Variants in MYLK observed in about 807,000 individuals in gnomAD.
MYLK encodes myosin light chain kinase.
MYLK carries 106 observed loss-of-function variants against 203.4 expected under a neutral mutation model. That is an observed-to-expected ratio of 0.52 (90% CI 0.45 to 0.61). The LOEUF (loss-of-function observed/expected upper bound fraction) is 0.61. MYLK is among the 20% of genes least tolerant of loss of function. MYLK has a pLI of 0.00. For synonymous variants in MYLK, 867 were observed against 959.5 expected (o/e 0.90, Z 1.78); for missense variants, 2,072 against 2,442.3 (o/e 0.85, Z 3.20).
intron 4 of MYLK, among the ~76,000 whole-genome samples, chr3:123,769,505 T>C (rs2063808095): frequency 6.6e-6 from 1 of 152,244 alleles, no homozygotes; most frequent in Admixed American, 6.5e-5. Flanking sequence ...CCACTTCCTT[T>C]TGGCAGCACT....
At chr3:123,814,851 G>A (rs146797822) in intron 3 of MYLK, among the ~76,000 whole-genome samples, 244 of 152,086 alleles carry the variant, frequency 1.6e-3, no homozygotes, top group African/African-American at 3.5e-3. Flanking sequence ...GGAGTACAGC[G>A]GCATGATCTC....
At position 123,700,542 on chromosome 3, in the gene MYLK, G is replaced by C; in HGVS notation, c.2926C>G (p.Pro976Ala). 1.2e-6 allele frequency: 2 copies of C among 1,613,722 alleles called. No homozygotes were observed. The highest frequency in any genetic ancestry group is 1.3e-5 in the African/African-American group (1 of 75,022). Residue 976 changes from proline to alanine, a missense_variant, in exon 18 of 34, where the codon CCT becomes GCT. This residue lies in a region of MYLK where 865 missense variants were observed against 1,016.0 expected (regional missense o/e 0.85). Coordinates refer to ENST00000360304, the MANE Select transcript of MYLK (RefSeq NM_053025.4). ...PVPEKVPPPKPATPDFRSVLG... is the reference protein window; with the variant it reads ...PVPEKVPPPKAATPDFRSVLG... The stretch of plus-strand genomic sequence containing the variant: ...ACTGAGCGAAAATCCGGGGTGGCAG[G>C]TTTTGGCGGTGGCACCTTCTCAGGC...
intron 13 of MYLK, chr3:123,716,414 T>G (rs1259806382): frequency 6.6e-6 from 1 of 152,220 alleles, no homozygotes; most frequent in African/African-American, 2.4e-5. Context: ...CCTTGTTTTC[T>G]TTTGGCCTCC....
chr3:123,739,208 G>T, intron 6 of MYLK, 146 bp from the exon 7 acceptor site: 1 of 930,940 alleles, frequency 1.1e-6, no homozygotes. Flanking sequence ...ACTTTCTCAT[G>T]CTCTCTCTAG....
chr3:123,612,445 T>C lies in MYLK; in HGVS notation c.*1660A>G, dbSNP rs750494470. ...AAGGCATTAACCTGTAACACACATATACGCCACACATGCACACACACAACA... is the reference window on the plus strand; with the variant it reads ...AAGGCATTAACCTGTAACACACATACACGCCACACATGCACACACACAACA... On this transcript the variant is annotated 3_prime_UTR_variant, in exon 34 of 34. Coordinates refer to ENST00000360304, the MANE Select transcript of MYLK (RefSeq NM_053025.4). 5.2e-5 allele frequency: 8 copies of C among 152,564 alleles called. No homozygotes were observed. Among genetic ancestry groups the C allele is most frequent in the African/African-American group, 1.7e-4 (7 of 41,434 alleles). The allele number at this position is 152,564 out of a possible 1,614,324, so 9.5% of individuals were successfully genotyped here.
intron 19 of MYLK, among the ~76,000 whole-genome samples, chr3:123,687,725 A>T (rs1478227131): frequency 6.7e-6 from 1 of 149,732 alleles, no homozygotes; most frequent in Non-Finnish European, 1.5e-5. Flanking sequence ...AGGCTGGAGT[A>T]CCGTGGTACA....
intron 5 of MYLK, among the ~76,000 whole-genome samples, chr3:123,751,345 T>G (rs7621343): frequency 0.9 from 136,582 of 152,240 alleles, 62,991 homozygotes; most frequent in East Asian, 1. Context: ...ATGGTCCAAT[T>G]TTTCTCCTAG....
intron 4 of MYLK, among the ~76,000 whole-genome samples, chr3:123,763,751 T>G (rs890652305): frequency 1.3e-5 from 2 of 152,210 alleles, no homozygotes; most frequent in Non-Finnish European, 1.5e-5. Flanking sequence ...CTTTTCATTC[T>G]GATATTCTAG....
chr3:123,785,288 C>T (rs1173306111), intron 4 of MYLK, among the ~76,000 whole-genome samples: 1 of 152,220 alleles, frequency 6.6e-6, no homozygotes, highest in African/African-American at 2.4e-5. Flanking sequence ...GACATCTGTT[C>T]AGTCCACCAT....
intron 9 of MYLK, chr3:123,735,099 G>A (rs1007054155): frequency 1.9e-5 from 8 of 425,332 alleles, no homozygotes; most frequent in East Asian, 4.9e-5. Flanking sequence ...TGAGGAAGGC[G>A]GCCTTCTCAG....
rs1303806625 is a variant in MYLK, at chr3:123,623,427, A to T, written c.5239-3091T>A. ...CACCTTTCCAACATATCTTTGTAAA[A>T]TTCTTTTAATATAAATTTAAAATAT... is the stretch of plus-strand genomic sequence containing the variant. On this transcript the variant is annotated intron_variant, in intron 31 of 33. Transcript: ENST00000360304. The T allele has an allele frequency of 5.9e-5, 9 of 152,204 alleles. 1 individual carries two copies. Among genetic ancestry groups the T allele is most frequent in the Admixed American group, 5.9e-4 (9 of 15,280 alleles). 9.4% of individuals were successfully genotyped at this position (152,204 alleles called of 1,614,324 possible).
At chr3:123,816,812 C>T (rs2065765188) in intron 3 of MYLK, among the ~76,000 whole-genome samples, 1 of 152,158 alleles carries the variant, frequency 6.6e-6, no homozygotes, top group African/African-American at 2.4e-5. Context: ...AGATCGGGGA[C>T]TTTCCTGAAG....
chr3:123,865,691 T>G (rs1187058449), intron 2 of MYLK, among the ~76,000 whole-genome samples: 1 of 152,204 alleles, frequency 6.6e-6, no homozygotes, highest in Non-Finnish European at 1.5e-5. Context: ...TACTTCAGGT[T>G]AACTTTAGAT....
intron 29 of MYLK, among the ~76,000 whole-genome samples, chr3:123,632,018 C>T (rs546163646): frequency 2.0e-5 from 3 of 151,994 alleles, no homozygotes; most frequent in East Asian, 1.9e-4. Flanking sequence ...TACAGGTGCC[C>T]ACCACCACAC....
At chr3:123,826,436 G>C (rs1228635496) in intron 3 of MYLK, among the ~76,000 whole-genome samples, 2 of 152,214 alleles carry the variant, frequency 1.3e-5, no homozygotes, top group Non-Finnish European at 2.9e-5. Context: ...ATGCCCCCCA[G>C]CCAAGCAGGC....
At chr3:123,771,265 A>G (rs1374922051) in intron 4 of MYLK, among the ~76,000 whole-genome samples, 1 of 152,112 alleles carries the variant, frequency 6.6e-6, no homozygotes, top group African/African-American at 2.4e-5. Flanking sequence ...TTTTAAGTTA[A>G]TTTTCTTAGA....
intron 23 of MYLK, 42 bp from the exon 24 acceptor site, chr3:123,657,470 T>A (rs745957608): frequency 4.1e-5 from 66 of 1,604,606 alleles, no homozygotes; most frequent in Admixed American, 5.1e-5. Context: ...CTTTCCAGAA[T>A]TGCAGGCAAA....
chr3:123,740,764 G>A (rs1235686902), intron 5 of MYLK, among the ~76,000 whole-genome samples: 1 of 152,140 alleles, frequency 6.6e-6, no homozygotes, highest in South Asian at 2.1e-4. Context: ...GCTATGCTGG[G>A]CACTGCCAGT....
intron 3 of MYLK, among the ~76,000 whole-genome samples, chr3:123,828,963 T>G (rs534557209): frequency 6.6e-6 from 1 of 151,906 alleles, no homozygotes; most frequent in Non-Finnish European, 1.5e-5. Flanking sequence ...CTGGCAAGGA[T>G]GAGGAGAAAA....
Sources: gnomAD v4.1 joint callset for allele counts (sites outside exome capture counted in the v4.1 genomes callset) on GRCh38, gnomAD v4.1.1 for gene constraint, gnomAD v4.1.1 regional missense constraint, MANE v1.5 for transcripts, NCBI Gene and HGNC (gene_info 2026-07-23, HGNC 2026-07-21) for gene names.